The following CPQ variants were observed in gnomAD, a reference collection of about 807,000 sequenced individuals.
CPQ encodes the protein Ser-Met dipeptidase.
Under a neutral mutation model 45.7 loss-of-function variants are expected in CPQ, and 37 were observed. The ratio of observed to expected loss-of-function variants is 0.81; its 90% CI spans 0.62 to 1.07. CPQ has a LOEUF of 1.07. Among genes scored for constraint, CPQ ranks in the 50% least tolerant of loss-of-function variants. The pLI is 0.00. For synonymous variants in CPQ, 186 were observed against 205.8 expected (o/e 0.90, Z 0.82); for missense variants, 537 against 572.9 (o/e 0.94, Z 0.64).
At chr8:96,717,358 CT>C (rs971314615) in intron 1 of CPQ, among the ~76,000 whole-genome samples, 1 of 151,888 alleles carries the variant, frequency 6.6e-6, no homozygotes, top group Admixed American at 6.5e-5. Flanking sequence ...TGTAAAATTG[CT>C]CCTTTTTCAC....
intron 5 of CPQ, among the ~76,000 whole-genome samples, chr8:96,976,089 C>T (rs1813775332): frequency 6.6e-6 from 1 of 151,430 alleles, no homozygotes. Context: ...TGTAGAAAAC[C>T]CTAAAGACTC....
rs181659430 is a variant in CPQ at position 96,844,649 on chromosome 8, G to A, written c.641+9469G>A. On this transcript the variant is annotated intron_variant, in intron 3 of 7. Coordinates refer to ENST00000220763, the MANE Select transcript of CPQ (RefSeq NM_016134.4). ...AAGTGATTGATGAAATATAACTGAC[G>A]TCTTATCTTGGCCATGGTCATTATT... Among the ~76,000 whole-genome samples, 10 of 152,314 alleles carry A rather than the reference G, an allele frequency of 6.6e-5. No individual in the cohort carries two copies. In the East Asian group the frequency reaches 1.7e-3, roughly 26 times the overall value.
intron 1 of CPQ, among the ~76,000 whole-genome samples, chr8:96,725,772 GAC>G (rs998043725): frequency 6.6e-6 from 1 of 152,090 alleles, no homozygotes; most frequent in Non-Finnish European, 1.5e-5. Flanking sequence ...TACCAAAAAA[GAC>G]ACATGCACTC....
chr8:97,101,803 TTAA>T (rs1292185374), intron 7 of CPQ, among the ~76,000 whole-genome samples: 1 of 152,042 alleles, frequency 6.6e-6, no homozygotes, highest in African/African-American at 2.4e-5. Flanking sequence ...GGGCATATAA[TTAA>T]TAATACATAA....
At chr8:96,852,650 A>G (rs1270336140) in intron 3 of CPQ, among the ~76,000 whole-genome samples, 1 of 152,168 alleles carries the variant, frequency 6.6e-6, no homozygotes, top group East Asian at 1.9e-4. Context: ...CAGGTGTCAG[A>G]TAGACAGTAT....
chr8:97,104,536 T>C (rs1206963085), intron 7 of CPQ, among the ~76,000 whole-genome samples: 1 of 152,206 alleles, frequency 6.6e-6, no homozygotes, highest in African/African-American at 2.4e-5. Context: ...AGACAAATAC[T>C]GTCACAATAA....
chr8:97,058,618 G>A (rs1810493905), intron 6 of CPQ, among the ~76,000 whole-genome samples: 1 of 152,144 alleles, frequency 6.6e-6, no homozygotes, highest in Non-Finnish European at 1.5e-5. Context: ...TAGAAGAGGG[G>A]ACTGAGAGGG....
chr8:97,141,287 C>T (rs1812156198), intron 7 of CPQ, among the ~76,000 whole-genome samples: 1 of 151,968 alleles, frequency 6.6e-6, no homozygotes, highest in Non-Finnish European at 1.5e-5. Context: ...TACAAACTTA[C>T]TAACAGAAGT....
chr8:96,709,259 G>A lies in CPQ; in HGVS notation c.-35+63857G>A, dbSNP rs557509168. Among the ~76,000 whole-genome samples the A allele has an allele frequency of 2.1e-4, 32 of 151,724 alleles. No homozygotes were observed. The South Asian group carries it at 5.8e-3, about 28-fold the overall frequency. On this transcript the variant is annotated intron_variant, in intron 1 of 7. Coordinates refer to ENST00000220763, the MANE Select transcript of CPQ (RefSeq NM_016134.4). ...CCCTCACCCCTCTCCCACCCTCTCC[G>A]CTTCTGAGTCTCCAAAATCCATTAT... is the stretch of plus-strand genomic sequence containing the variant.
At chr8:97,129,920 A>G (rs1811913935) in intron 7 of CPQ, among the ~76,000 whole-genome samples, 1 of 152,170 alleles carries the variant, frequency 6.6e-6, no homozygotes, top group African/African-American at 2.4e-5. Context: ...ATGAATGAAT[A>G]TGGTGCCCTT....
chr8:96,899,908 G>C (rs1045673726), intron 4 of CPQ, among the ~76,000 whole-genome samples: 1 of 152,182 alleles, frequency 6.6e-6, no homozygotes, highest in Admixed American at 6.6e-5. Flanking sequence ...AGATAATGGA[G>C]GAAGACAGTT....
chr8:97,009,133 C>T (rs1052295911), intron 5 of CPQ, among the ~76,000 whole-genome samples: 3 of 152,240 alleles, frequency 2.0e-5, no homozygotes, highest in Admixed American at 6.5e-5. Flanking sequence ...GCCAGACACT[C>T]TGCATCAGCA....
intron 7 of CPQ, among the ~76,000 whole-genome samples, chr8:97,093,382 A>C (rs1811156705): frequency 6.6e-6 from 1 of 152,226 alleles, no homozygotes; most frequent in South Asian, 2.1e-4. Context: ...TCATCGCAGC[A>C]CTATTCACAA....
At chr8:96,992,261 T>G (rs1809107326) in intron 5 of CPQ, among the ~76,000 whole-genome samples, 1 of 152,200 alleles carries the variant, frequency 6.6e-6, no homozygotes, top group African/African-American at 2.4e-5. Flanking sequence ...CACTTGTGTC[T>G]GAGGAGGATC....
intron 7 of CPQ, chr8:97,133,079 G>C (rs981393641): frequency 6.6e-6 from 1 of 152,164 alleles, no homozygotes; most frequent in Non-Finnish European, 1.5e-5. Flanking sequence ...TGTGAGGTGG[G>C]TCAAGGGAGA....
At chr8:96,761,812 C>T (rs537447506) in intron 1 of CPQ, among the ~76,000 whole-genome samples, 121 of 152,310 alleles carry the variant, frequency 7.9e-4, no homozygotes, top group African/African-American at 2.8e-3. Flanking sequence ...CTGTTACCTC[C>T]GCTAATAGCG....
Position 96,840,803 on chromosome 8 carries a change from A to G in CPQ, c.641+5623A>G, listed in dbSNP as rs367626430. The stretch of plus-strand genomic sequence containing the variant: ...GGGGAAGGAGTAGGGGTCCAAGTTG[A>G]TAGGCAAGGATTAAAATCTATGGGA... On this transcript the variant is annotated intron_variant, in intron 3 of 7. Transcript: ENST00000220763. Among the ~76,000 whole-genome samples, 10 of 152,342 alleles carry G rather than the reference A, an allele frequency of 6.6e-5. No homozygotes were observed. The East Asian group carries it at 1.7e-3, about 26-fold the overall frequency.
At chr8:97,072,774 C>G (rs549309520) in intron 7 of CPQ, among the ~76,000 whole-genome samples, 1 of 152,270 alleles carries the variant, frequency 6.6e-6, no homozygotes, top group East Asian at 1.9e-4. Flanking sequence ...CTTCTGCAAT[C>G]TGCTACAGTC....
At chr8:97,115,666 A>T (rs1262054673) in intron 7 of CPQ, among the ~76,000 whole-genome samples, 1 of 152,194 alleles carries the variant, frequency 6.6e-6, no homozygotes, top group Non-Finnish European at 1.5e-5. Context: ...GGCTGTATGT[A>T]CCTGATGGGT....
Sources: allele counts gnomAD v4.1 joint callset (sites outside exome capture counted in the v4.1 genomes callset), GRCh38; gene constraint gnomAD v4.1.1; transcripts MANE v1.5; gene names NCBI Gene and HGNC (gene_info 2026-07-23, HGNC 2026-07-21).